GPC3: variants seen among roughly 807,000 people sequenced by gnomAD.
GPC3 encodes the protein glypican 3.
GPC3 carries 3 observed loss-of-function variants against 34.4 expected under a neutral mutation model. That is an observed-to-expected ratio of 0.09 (90% CI 0.04 to 0.23). The LOEUF is 0.23. Ranked by LOEUF, GPC3 falls within the 10% of genes least tolerant of loss-of-function variation. The pLI is 1.00. For missense variants in GPC3, 351 were observed against 445.6 expected, an observed-to-expected ratio of 0.79 and a Z score of 1.91; for synonymous variants, 177 against 174.0, an observed-to-expected ratio of 1.02 and a Z score of -0.13.
At position 133,953,189 on chromosome X, in the gene GPC3, G is replaced by A; in HGVS notation, c.198C>T (p.Leu66=). The A allele has an allele frequency of 8.3e-7, 1 of 1,209,494 alleles. No homozygotes were observed. Among genetic ancestry groups the A allele is most frequent in the Non-Finnish European group, 1.1e-6 (1 of 894,069 alleles). ...PVPGSDLQVC[L]PKGPTCCSRK... ...TTGAGCAGCATGTTGGGCCCTTAGG[G>A]AGACATACTTGCAAATCTGATCCTG... The change falls in exon 2 of 8, where the codon CTC becomes CTT. Residue 66 remains leucine (L), a synonymous_variant. Coordinates refer to ENST00000370818, the MANE Select transcript of GPC3 (RefSeq NM_004484.4).
At chrX:133,699,717 C>T (rs990383541) in intron 4 of GPC3, among the ~76,000 whole-genome samples, 178 bp downstream of exon 4, 2 of 111,836 alleles carry the variant, frequency 1.8e-5, no homozygotes, top group African/African-American at 6.5e-5. Flanking sequence ...TTTAAATATG[C>T]CTTGGATATA....
intron 7 of GPC3, among the ~76,000 whole-genome samples, chrX:133,575,969 G>A (rs979387213): frequency 9.0e-6 from 1 of 111,498 alleles, no homozygotes; most frequent in Non-Finnish European, 1.9e-5. Context: ...ACCCAACTGA[G>A]TGGAGCAATG....
Position 133,554,002 on chromosome X carries a change from T to TTCTC in GPC3, c.1574-17713_1574-17710dup, listed in dbSNP as rs139778698. ...CATTCAATACTACAGACTATCCTCTTTCTCTCTCTCTCTCTCTCTTTTTTT... is the reference window on the plus strand; with the variant it reads ...CATTCAATACTACAGACTATCCTCTTTCTCTCTCTCTCTCTCTCTCTCTTTTTTT... On this transcript the variant is annotated intron_variant, in intron 7 of 7. Coordinates refer to ENST00000370818, the MANE Select transcript of GPC3 (RefSeq NM_004484.4). Among the ~76,000 whole-genome samples the TTCTC allele has an allele frequency of 8.4e-5, 9 of 107,010 alleles. No homozygotes were observed. In the East Asian group the frequency reaches 1.2e-3, roughly 14 times the overall value. The allele number at this position is 107,010 out of a possible 115,157, so 92.9% of individuals were successfully genotyped here.
At chrX:133,558,007 T>C (rs749129195) in intron 7 of GPC3, among the ~76,000 whole-genome samples, 1 of 111,823 alleles carries the variant, frequency 8.9e-6, no homozygotes, top group South Asian at 3.8e-4. Context: ...TGGTTCTCCC[T>C]ATGCCATGCA....
At chrX:133,538,324 A>G (rs2069312770) in intron 7 of GPC3, among the ~76,000 whole-genome samples, 1 of 112,068 alleles carries the variant, frequency 8.9e-6, no homozygotes, top group Non-Finnish European at 1.9e-5. Flanking sequence ...TGGAGAGCAC[A>G]TATGGCTAGA....
At chrX:133,595,369 G>A (rs1255315000) in intron 7 of GPC3, among the ~76,000 whole-genome samples, 1 of 111,145 alleles carries the variant, frequency 9.0e-6, no homozygotes, top group Non-Finnish European at 1.9e-5. Context: ...TCTTCTCTGA[G>A]CCCTGGTTTT....
At chrX:133,815,406 T>A (rs2075685950) in intron 2 of GPC3, among the ~76,000 whole-genome samples, 1 of 110,612 alleles carries the variant, frequency 9.0e-6, no homozygotes, top group Admixed American at 9.6e-5. Flanking sequence ...AACTTATCCT[T>A]GCATTCTTAA....
At chrX:133,895,784 A>G (rs1408342651) in intron 2 of GPC3, among the ~76,000 whole-genome samples, 1 of 111,245 alleles carries the variant, frequency 9.0e-6, no homozygotes, top group Non-Finnish European at 1.9e-5. Context: ...AAAAGCATGA[A>G]TAAAAGCAAT....
intron 3 of GPC3, among the ~76,000 whole-genome samples, chrX:133,714,019 G>A (rs1289383852): frequency 1.8e-5 from 2 of 112,365 alleles, no homozygotes; most frequent in Non-Finnish European, 3.8e-5. Flanking sequence ...GTGTAAGATA[G>A]ATTTTAACAT....
intron 1 of GPC3, among the ~76,000 whole-genome samples, chrX:133,961,544 C>T (rs2076441511): frequency 1.8e-5 from 2 of 111,579 alleles, no homozygotes; most frequent in Admixed American, 9.5e-5. Context: ...TACAAATTCA[C>T]GGATTATATC....
chrX:133,985,192 G>T, intron 1 of GPC3, 83 bp downstream of exon 1: 1 of 1,056,127 alleles, frequency 9.5e-7, no homozygotes, highest in Non-Finnish European at 1.3e-6. Context: ...CAGCCCGGCG[G>T]GGCTAGCGCG....
intron 3 of GPC3, among the ~76,000 whole-genome samples, chrX:133,740,542 G>C (rs1055862122): frequency 1.8e-5 from 2 of 112,072 alleles, no homozygotes; most frequent in Non-Finnish European, 3.8e-5. Context: ...AAAAAAATAT[G>C]CTAGCAGGTT....
intron 3 of GPC3, among the ~76,000 whole-genome samples, chrX:133,729,689 A>G (rs1000533405): frequency 8.9e-6 from 1 of 112,284 alleles, no homozygotes; most frequent in African/African-American, 3.2e-5. Flanking sequence ...TTAGCTAAGC[A>G]TTTGCTACTG....
Position 133,971,125 on chromosome X carries a change from T to C in GPC3, c.175+14150A>G, listed in dbSNP as rs779883813. Among the ~76,000 whole-genome samples, 24 of 112,186 alleles carry C rather than the reference T, an allele frequency of 2.1e-4. 1 individual carries two copies. The East Asian group carries it at 6.2e-3, about 29-fold the overall frequency. On this transcript the variant is annotated intron_variant, in intron 1 of 7. Coordinates refer to ENST00000370818, the MANE Select transcript of GPC3 (RefSeq NM_004484.4). ...CTTATCTTCAGAAAAAAGGAAAGCA[T>C]TCAATGTAAGAAAAGAGATTTCTAA...
chrX:133,770,162 A>G (rs750063265), intron 2 of GPC3, among the ~76,000 whole-genome samples: 13 of 111,659 alleles, frequency 1.2e-4, no homozygotes, highest in Non-Finnish European at 2.3e-4. Flanking sequence ...CTGGGGTCCC[A>G]GCTACACAGG....
chrX:133,781,149 A>T (rs2072041089), intron 2 of GPC3, among the ~76,000 whole-genome samples: 1 of 111,718 alleles, frequency 9.0e-6, no homozygotes. Context: ...CTGTATCTAC[A>T]AAGGTAGCTC....
intron 2 of GPC3, among the ~76,000 whole-genome samples, chrX:133,911,495 C>T (rs1216584215): frequency 1.8e-5 from 2 of 111,516 alleles, no homozygotes; most frequent in Non-Finnish European, 3.8e-5. Context: ...GACAAGTCAC[C>T]AAAGGCTAAT....
chrX:133,663,745 C>T (rs1460075286), intron 5 of GPC3, among the ~76,000 whole-genome samples: 1 of 111,533 alleles, frequency 9.0e-6, no homozygotes, highest in Non-Finnish European at 1.9e-5. Flanking sequence ...GATTATGAAA[C>T]ACTCCTTAGA....
intron 6 of GPC3, among the ~76,000 whole-genome samples, chrX:133,603,749 C>T (rs1029850588): frequency 5.4e-5 from 6 of 110,825 alleles, no homozygotes; most frequent in African/African-American, 2.0e-4. Flanking sequence ...ATTGGAAACA[C>T]AATGAAAGGG....
Sources: gnomAD v4.1 joint callset for allele counts (sites outside exome capture counted in the v4.1 genomes callset) on GRCh38, gnomAD v4.1.1 for gene constraint, MANE v1.5 for transcripts, NCBI Gene and HGNC (gene_info 2026-07-23, HGNC 2026-07-21) for gene names.